RPS6KC1: variants seen among roughly 807,000 people sequenced by gnomAD.
RPS6KC1 encodes inactive ribosomal protein S6 kinase delta-1.
Under a neutral mutation model 103.8 loss-of-function variants are expected in RPS6KC1, and 54 were observed. The ratio of observed to expected loss-of-function variants is 0.52; its 90% CI spans 0.42 to 0.65. RPS6KC1 has a LOEUF of 0.65. RPS6KC1 is among the 30% of genes least tolerant of loss of function. RPS6KC1 has a pLI of 0.00. For synonymous variants in RPS6KC1, 439 were observed against 438.7 expected (o/e 1.00, Z -0.01); for missense variants, 1,151 against 1,253.8 (o/e 0.92, Z 1.24).
chr1:213,589,529 C>A, the RPS6KC1 span, among the ~76,000 whole-genome samples: 1 of 151,938 alleles, frequency 6.6e-6, no homozygotes, highest in East Asian at 1.9e-4. Flanking sequence ...GTAATCCCAG[C>A]TACTCTGGAG....
At chr1:213,317,640 AG>A in the RPS6KC1 span, among the ~76,000 whole-genome samples, 2 of 152,348 alleles carry the variant, frequency 1.3e-5, no homozygotes, top group Admixed American at 1.3e-4. Flanking sequence ...TATAGCAGGT[AG>A]GAAGTGCCAT....
chr1:213,058,059 C>CTTTT (rs756919339), intron 1 of RPS6KC1, among the ~76,000 whole-genome samples: 3 of 111,948 alleles, frequency 2.7e-5, no homozygotes, highest in Admixed American at 8.9e-5. Context: ...TGCGCCTGAC[C>CTTTT]TTTTTTTTTT....
At chr1:213,702,846 G>GTTTTT in the RPS6KC1 span, among the ~76,000 whole-genome samples, 615 of 128,686 alleles carry the variant, frequency 4.8e-3, 2 homozygotes, top group Middle Eastern at 0.019. Context: ...GATCATTGAG[G>GTTTTT]TTTTTTTTGT....
intron 6 of RPS6KC1, among the ~76,000 whole-genome samples, chr1:213,144,170 C>A (rs2087432819): frequency 6.6e-6 from 1 of 152,116 alleles, no homozygotes; most frequent in South Asian, 2.1e-4. Context: ...GCATGAACAT[C>A]TTCAAGAGTC....
chr1:213,410,099 G>A, the RPS6KC1 span, among the ~76,000 whole-genome samples: 1 of 152,196 alleles, frequency 6.6e-6, no homozygotes, highest in African/African-American at 2.4e-5. Flanking sequence ...AGGCTGCAGT[G>A]AGCTGTGGTC....
the RPS6KC1 span, among the ~76,000 whole-genome samples, chr1:213,624,160 C>T: frequency 2.0e-5 from 3 of 152,138 alleles, no homozygotes; most frequent in Admixed American, 1.3e-4. Flanking sequence ...ACCACTGAGG[C>T]TCTGTGACCT....
the RPS6KC1 span, among the ~76,000 whole-genome samples, chr1:213,634,589 G>A: frequency 6.6e-6 from 1 of 152,146 alleles, no homozygotes; most frequent in Non-Finnish European, 1.5e-5. Context: ...AGTGTGTAGA[G>A]GGAAATTTAT....
the RPS6KC1 span, among the ~76,000 whole-genome samples, chr1:213,513,804 TG>T: frequency 2.6e-4 from 40 of 152,222 alleles, no homozygotes; most frequent in African/African-American, 9.6e-4. Flanking sequence ...AGTGGAGAGG[TG>T]GTGCAATGAC....
the RPS6KC1 span, among the ~76,000 whole-genome samples, chr1:213,764,628 A>T: frequency 2.0e-5 from 3 of 152,206 alleles, no homozygotes; most frequent in East Asian, 3.9e-4. Flanking sequence ...TGCCACATGG[A>T]TGCCTCTGAC....
chr1:213,637,249 A>G, the RPS6KC1 span, among the ~76,000 whole-genome samples: 1 of 152,186 alleles, frequency 6.6e-6, no homozygotes, highest in Admixed American at 6.5e-5. Context: ...TGACCCAGCA[A>G]TCCCATTACT....
At chr1:213,603,544 A>C in the RPS6KC1 span, among the ~76,000 whole-genome samples, 1 of 152,022 alleles carries the variant, frequency 6.6e-6, no homozygotes, top group East Asian at 1.9e-4. Context: ...CTATCTTCGA[A>C]TGATTGATTT....
At chr1:213,052,084 GC>G (rs2076994576) in intron 1 of RPS6KC1, among the ~76,000 whole-genome samples, 1 of 152,136 alleles carries the variant, frequency 6.6e-6, no homozygotes, top group Admixed American at 6.5e-5. Context: ...GCTTGTGTGA[GC>G]TACCATGAGG....
At chr1:213,537,627 G>T in the RPS6KC1 span, among the ~76,000 whole-genome samples, 5 of 152,132 alleles carry the variant, frequency 3.3e-5, no homozygotes, top group Admixed American at 3.3e-4. Context: ...AGAGTCCCAA[G>T]TGAGCTTCTT....
intron 8 of RPS6KC1, among the ~76,000 whole-genome samples, chr1:213,179,520 G>A (rs1010358434): frequency 1.3e-5 from 2 of 152,094 alleles, no homozygotes; most frequent in Non-Finnish European, 1.5e-5. Context: ...TAAAATTTGG[G>A]TTTTAGAAAC....
At chr1:213,621,863 A>G in the RPS6KC1 span, among the ~76,000 whole-genome samples, 2 of 152,130 alleles carry the variant, frequency 1.3e-5, no homozygotes, top group Non-Finnish European at 2.9e-5. Flanking sequence ...GTGATGCCCT[A>G]TTTCTTTTAA....
chr1:213,329,798 A>G, the RPS6KC1 span, among the ~76,000 whole-genome samples: 1 of 152,128 alleles, frequency 6.6e-6, no homozygotes, highest in African/African-American at 2.4e-5. Flanking sequence ...CAGCTGTCCG[A>G]GGTCCTTCTT....
chr1:213,540,024 A>G, the RPS6KC1 span, among the ~76,000 whole-genome samples: 1 of 152,184 alleles, frequency 6.6e-6, no homozygotes, highest in Non-Finnish European at 1.5e-5. Context: ...GAGTCATAAT[A>G]TTCTTCCTGC....
chr1:213,266,376 A>G (rs2094912166), intron 14 of RPS6KC1, among the ~76,000 whole-genome samples: 1 of 152,246 alleles, frequency 6.6e-6, no homozygotes, highest in African/African-American at 2.4e-5. Flanking sequence ...ATTGGACTAC[A>G]AATGTTGTAA....
chr1:213,323,539 C>T, the RPS6KC1 span, among the ~76,000 whole-genome samples: 1 of 152,172 alleles, frequency 6.6e-6, no homozygotes, highest in Non-Finnish European at 1.5e-5. Flanking sequence ...GATTTAGCAT[C>T]TGTTCCTCAT....
Sources: allele counts gnomAD v4.1 joint callset (sites outside exome capture counted in the v4.1 genomes callset), GRCh38; gene constraint gnomAD v4.1.1; transcripts MANE v1.5; gene names NCBI Gene and HGNC (gene_info 2026-07-23, HGNC 2026-07-21).